MGAT4C: variants seen among roughly 807,000 people sequenced by gnomAD.
MGAT4C encodes MGAT4 family member C, also known as alpha-1,3-mannosyl-glycoprotein 4-beta-N-acetylglucosaminyltransferase C.
MGAT4C carries 19 observed loss-of-function variants against 40.1 expected under a neutral mutation model. The ratio of observed to expected loss-of-function variants is 0.47; its 90% confidence interval spans 0.33 to 0.70. The LOEUF (loss-of-function observed/expected upper bound fraction) is 0.70, where lower values mean the gene tolerates loss of function less well. Ranked by LOEUF, MGAT4C falls within the 30% of genes least tolerant of loss-of-function variation. MGAT4C has a pLI of 0.02. For missense variants in MGAT4C, 491 were observed against 563.2 expected (o/e 0.87, Z 1.30); for synonymous variants, 181 against 187.1 (o/e 0.97, Z 0.27).
chr12:86,446,666 T>C (rs1957342456), intron 2 of MGAT4C, among the ~76,000 whole-genome samples: 1 of 98,790 alleles, frequency 1.0e-5, no homozygotes, highest in East Asian at 3.3e-4. Flanking sequence ...CTCATATATA[T>C]ATATATATAT....
chr12:85,959,665 T>C lies in MGAT4C; in HGVS notation c.*19624A>G, dbSNP rs1021509843. On this transcript the variant is annotated 3_prime_UTR_variant, in exon 5 of 5. Coordinates refer to ENST00000611864, the MANE Select transcript of MGAT4C (RefSeq NM_001351288.2). ...TGTAGTTTCTCAGAGCAACCGCCGC[T>C]CATCTTTCACTCACCTTAACAATTT... 1 of 151,706 alleles carries C rather than the reference T, an allele frequency of 6.6e-6. No homozygotes were observed. The highest frequency in any genetic ancestry group is 2.4e-5 in the African/African-American group (1 of 41,386). The allele number at this position is 151,706 out of a possible 1,614,324, so 9.4% of individuals were successfully genotyped here.
intron 1 of MGAT4C, among the ~76,000 whole-genome samples, chr12:86,735,092 C>T (rs1950964683): frequency 1.3e-5 from 2 of 151,942 alleles, no homozygotes; most frequent in African/African-American, 4.8e-5. Flanking sequence ...ATCCAATCTA[C>T]TTAGGATGCT....
At chr12:86,560,609 G>A (rs1340878493) in intron 2 of MGAT4C, among the ~76,000 whole-genome samples, 2 of 152,020 alleles carry the variant, frequency 1.3e-5, no homozygotes, top group Non-Finnish European at 2.9e-5. Context: ...TAAAGTTTCT[G>A]GGCAAATTCA....
chr12:85,978,491 C>T lies in MGAT4C; in HGVS notation c.*798G>A, dbSNP rs7300102. ...TCTGCATATACTGAAAATGTCTGTA[C>T]GAATGAGCTAACTACTATAGGCCTT... On this transcript the variant is annotated 3_prime_UTR_variant, in exon 5 of 5. Transcript: ENST00000611864. 12,713 of 151,742 alleles carry T rather than the reference C, an allele frequency of 0.084. 1,129 individuals are homozygous for T. Among genetic ancestry groups the T allele is most frequent in the African/African-American group, 0.23 (9,308 of 41,360 alleles). The allele number at this position is 151,742 out of a possible 1,614,324, so 9.4% of individuals were successfully genotyped here.
intron 3 of MGAT4C, among the ~76,000 whole-genome samples, chr12:86,423,205 T>C (rs955363629): frequency 6.6e-5 from 10 of 152,096 alleles, no homozygotes; most frequent in Admixed American, 3.9e-4. Context: ...AGTTTCTATT[T>C]GTATCAAAAC....
intron 1 of MGAT4C, among the ~76,000 whole-genome samples, chr12:86,784,349 A>C (rs1455673067): frequency 3.3e-5 from 5 of 152,082 alleles, no homozygotes; most frequent in East Asian, 1.9e-4. Flanking sequence ...CAAAACATTC[A>C]TTCCTTCCTT....
At chr12:86,367,676 G>A (rs552939789) in intron 3 of MGAT4C, among the ~76,000 whole-genome samples, 1 of 152,264 alleles carries the variant, frequency 6.6e-6, no homozygotes, top group African/African-American at 2.4e-5. Context: ...GCAGGTGCCT[G>A]TAGTCCCAGC....
At chr12:86,416,860 C>T (rs999126610) in intron 3 of MGAT4C, among the ~76,000 whole-genome samples, 4 of 152,042 alleles carry the variant, frequency 2.6e-5, no homozygotes, top group African/African-American at 7.2e-5. Flanking sequence ...CAGATATAAT[C>T]AAGTTAAGAT....
intron 3 of MGAT4C, among the ~76,000 whole-genome samples, chr12:86,342,873 C>T (rs1011301430): frequency 3.3e-5 from 5 of 152,158 alleles, no homozygotes; most frequent in African/African-American, 9.6e-5. Context: ...CCAATGCAAT[C>T]GATTGATTAT....
At chr12:86,607,153 A>T (rs894982971) in intron 2 of MGAT4C, among the ~76,000 whole-genome samples, 1 of 152,060 alleles carries the variant, frequency 6.6e-6, no homozygotes, top group Admixed American at 6.6e-5. Flanking sequence ...TTAGAAACAC[A>T]TGCTATTTAG....
chr12:86,562,843 A>G (rs1022498166), intron 2 of MGAT4C, among the ~76,000 whole-genome samples: 2 of 152,178 alleles, frequency 1.3e-5, no homozygotes, highest in Non-Finnish European at 2.9e-5. Flanking sequence ...AATTGAATTT[A>G]TTGATATGGG....
chr12:86,083,863 A>G (rs1264926721), intron 1 of MGAT4C, among the ~76,000 whole-genome samples: 1 of 152,110 alleles, frequency 6.6e-6, no homozygotes, highest in African/African-American at 2.4e-5. Context: ...GAGAAGGAAT[A>G]TTCAACACCT....
At chr12:86,132,915 A>G (rs892759622) in intron 1 of MGAT4C, among the ~76,000 whole-genome samples, 2 of 152,116 alleles carry the variant, frequency 1.3e-5, no homozygotes, top group Non-Finnish European at 2.9e-5. Flanking sequence ...ACTTCTAAAC[A>G]TGGCATCATT....
At chr12:86,104,463 C>A (rs1875769182) in intron 1 of MGAT4C, among the ~76,000 whole-genome samples, 1 of 151,744 alleles carries the variant, frequency 6.6e-6, no homozygotes, top group Non-Finnish European at 1.5e-5. Flanking sequence ...CAAATAACAA[C>A]AAAAAAATTG....
intron 4 of MGAT4C, among the ~76,000 whole-genome samples, chr12:86,326,105 ATAT>A (rs1309230721): frequency 4.6e-5 from 7 of 152,030 alleles, no homozygotes; most frequent in Non-Finnish European, 8.8e-5. Context: ...ATTTTACATA[ATAT>A]TATTGGAGGA....
chr12:86,731,518 C>T (rs530295700), intron 1 of MGAT4C, among the ~76,000 whole-genome samples: 1 of 151,852 alleles, frequency 6.6e-6, no homozygotes, highest in African/African-American at 2.4e-5. Flanking sequence ...TTCTTTTGCC[C>T]TTTTCTTATT....
At position 86,282,132 on chromosome 12, in the gene MGAT4C, T is replaced by C. The variant is rs190960190; in HGVS notation, c.-57+51933A>G. 8.5e-5 allele frequency among the ~76,000 whole-genome samples: 13 copies of C among 152,280 alleles called. No homozygotes were observed. The East Asian group carries it at 2.3e-3, about 27-fold the overall frequency. The stretch of plus-strand genomic sequence containing the variant: ...ACCAGACTAGTGTTTTCTTTCAAAT[T>C]GCAAAAAGATGTTTTGCCATGAAGT... On this transcript the variant is annotated intron_variant, in intron 4 of 7. Coordinates refer to the MGAT4C transcript ENST00000548651.
intron 2 of MGAT4C, among the ~76,000 whole-genome samples, chr12:86,535,075 T>C (rs1219095324): frequency 6.6e-6 from 1 of 152,098 alleles, no homozygotes; most frequent in Non-Finnish European, 1.5e-5. Context: ...ACAAATGAAA[T>C]ACTGTGAATA....
chr12:86,455,321 T>A (rs1312082156), intron 2 of MGAT4C, among the ~76,000 whole-genome samples: 3 of 152,112 alleles, frequency 2.0e-5, no homozygotes, highest in Non-Finnish European at 4.4e-5. Context: ...ATTAAATCAC[T>A]CCTTATGTGG....
Sources: gnomAD v4.1 joint callset for allele counts (sites outside exome capture counted in the v4.1 genomes callset) on GRCh38, gnomAD v4.1.1 for gene constraint, MANE v1.5 for transcripts, NCBI Gene and HGNC (gene_info 2026-07-23, HGNC 2026-07-21) for gene names.